The following GABRG3 variants were observed in gnomAD, a reference collection of about 807,000 sequenced individuals.
The protein encoded by GABRG3 is gamma-aminobutyric acid receptor subunit gamma-3.
In GABRG3, 25 loss-of-function variants were observed where a neutral mutation model predicts 48.8. The observed-to-expected ratio is 0.51, with a 90% confidence interval of 0.37 to 0.72. The LOEUF (loss-of-function observed/expected upper bound fraction) is 0.72, where lower values mean the gene tolerates loss of function less well. GABRG3 is among the 30% of genes least tolerant of loss of function. GABRG3 has a pLI of 0.00. For missense variants in GABRG3, 394 were observed against 577.9 expected, an observed-to-expected ratio of 0.68 and a Z score of 3.26; for synonymous variants, 227 against 217.6, an observed-to-expected ratio of 1.04 and a Z score of -0.38.
chr15:27,423,959 T>C (rs573931879), intron 5 of GABRG3, among the ~76,000 whole-genome samples: 2 of 152,254 alleles, frequency 1.3e-5, no homozygotes, highest in South Asian at 2.1e-4. Context: ...TTTTTCAGCA[T>C]AAAGTTGAAA....
chr15:27,237,453 G>A (rs1890008248), intron 3 of GABRG3, among the ~76,000 whole-genome samples: 1 of 152,192 alleles, frequency 6.6e-6, no homozygotes, highest in Admixed American at 6.5e-5. Context: ...CTGTGAAGAG[G>A]CTGAGCTGGA....
chr15:27,114,883 A>G (rs1230899268), intron 3 of GABRG3, among the ~76,000 whole-genome samples: 2 of 152,176 alleles, frequency 1.3e-5, no homozygotes, highest in Non-Finnish European at 2.9e-5. Context: ...ATCACATGGA[A>G]CTCGCAGATG....
At chr15:27,350,977 G>A (rs1566799835) in intron 5 of GABRG3, among the ~76,000 whole-genome samples, 1 of 151,502 alleles carries the variant, frequency 6.6e-6, no homozygotes, top group Non-Finnish European at 1.5e-5. Flanking sequence ...GTGTTTGTGT[G>A]TGTATGGTGT....
At chr15:27,131,443 T>A (rs530951307) in intron 3 of GABRG3, among the ~76,000 whole-genome samples, 1 of 152,178 alleles carries the variant, frequency 6.6e-6, no homozygotes, top group East Asian at 1.9e-4. Context: ...TTGATAGCAT[T>A]TCATTCAGGA....
Position 27,193,219 on chromosome 15 carries a change from G to A in GABRG3, c.271-133590G>A, listed in dbSNP as rs1451472215. On this transcript the variant is annotated intron_variant, in intron 3 of 9. Coordinates refer to ENST00000615808, the MANE Select transcript of GABRG3 (RefSeq NM_033223.5). ...TGCCCGTTCTCAGATCTCCAGCTGC[G>A]TGCTGGGAGAACCACTGCTCTCTTC... Among the ~76,000 whole-genome samples, 8 of 151,918 alleles carry A rather than the reference G, an allele frequency of 5.3e-5. No individual in the cohort carries two copies. The East Asian group carries it at 5.8e-4, about 11-fold the overall frequency.
chr15:27,365,768 T>C (rs995506355), intron 5 of GABRG3: 5 of 152,104 alleles, frequency 3.3e-5, no homozygotes, highest in African/African-American at 1.2e-4. Context: ...CATTAAAAAA[T>C]AAAGAACCAG....
intron 5 of GABRG3, among the ~76,000 whole-genome samples, chr15:27,449,807 T>G (rs1889055199): frequency 1.3e-5 from 2 of 152,208 alleles, no homozygotes; most frequent in South Asian, 4.1e-4. Flanking sequence ...TTGTGTAAAG[T>G]TCATCAATTC....
chr15:27,396,450 G>C (rs1045735541), intron 5 of GABRG3, among the ~76,000 whole-genome samples: 1 of 152,188 alleles, frequency 6.6e-6, no homozygotes, highest in Non-Finnish European at 1.5e-5. Context: ...CTAGATTGCA[G>C]TACCAATACG....
At chr15:27,423,261 A>C (rs1316516664) in intron 5 of GABRG3, among the ~76,000 whole-genome samples, 4 of 150,384 alleles carry the variant, frequency 2.7e-5, no homozygotes, top group East Asian at 3.9e-4. Context: ...AAAAAAAAAA[A>C]AAAACCTCTA....
At chr15:27,083,333 TA>T (rs765168463) in intron 3 of GABRG3, among the ~76,000 whole-genome samples, 16 of 143,924 alleles carry the variant, frequency 1.1e-4, no homozygotes, top group Non-Finnish European at 1.9e-4. Flanking sequence ...TCTTGAAAAG[TA>T]AGAGCTATTG....
At position 27,179,763 on chromosome 15, in the gene GABRG3, G is replaced by T. The variant is rs2140415890; in HGVS notation, c.271-147046G>T. Among the ~76,000 whole-genome samples the T allele has an allele frequency of 6.6e-6, 1 of 152,274 alleles. No individual in the cohort carries two copies. Among genetic ancestry groups the T allele is most frequent in the Non-Finnish European group, 1.5e-5 (1 of 68,032 alleles). On this transcript the variant is annotated intron_variant, in intron 3 of 9. Coordinates refer to ENST00000615808, the MANE Select transcript of GABRG3 (RefSeq NM_033223.5). The surrounding 1 kb of genome is among the most constrained non-coding windows in gnomAD (Gnocchi z 4.0). ...TGTGAATTTTGAATGCTGTGGGAAA[G>T]ATGGAAGCCAAAGATGCACCGGGTC...
At chr15:27,489,060 G>C (rs188915026) in intron 6 of GABRG3, among the ~76,000 whole-genome samples, 6 of 151,074 alleles carry the variant, frequency 4.0e-5, no homozygotes, top group African/African-American at 9.7e-5. Flanking sequence ...TCTGGTGTGT[G>C]ATGTTCCCCG....
chr15:27,130,334 C>T (rs1012636225), intron 3 of GABRG3, among the ~76,000 whole-genome samples: 12 of 152,030 alleles, frequency 7.9e-5, no homozygotes, highest in Admixed American at 5.9e-4. Context: ...GGTCTTGGAA[C>T]CTTTGTCAAA....
intron 3 of GABRG3, among the ~76,000 whole-genome samples, chr15:27,217,720 C>T (rs1390856503): frequency 2.6e-5 from 4 of 152,258 alleles, no homozygotes; most frequent in Non-Finnish European, 4.4e-5. Flanking sequence ...CACAGAGGGA[C>T]GAAGGAAAGC....
intron 2 of GABRG3, among the ~76,000 whole-genome samples, chr15:27,021,606 C>T (rs773495055): frequency 6.6e-6 from 1 of 152,132 alleles, no homozygotes; most frequent in Non-Finnish European, 1.5e-5. Flanking sequence ...TTTGGGAGGC[C>T]CAAGCGGGAA....
At chr15:26,995,550 T>TG (rs1895325122) in intron 2 of GABRG3, among the ~76,000 whole-genome samples, 3 of 151,918 alleles carry the variant, frequency 2.0e-5, no homozygotes, top group Admixed American at 6.6e-5. Context: ...TCTTTTTTTT[T>TG]TTGTTAAGTG....
intron 3 of GABRG3, among the ~76,000 whole-genome samples, chr15:27,204,301 G>C (rs1416057322): frequency 6.6e-6 from 1 of 152,148 alleles, no homozygotes; most frequent in Non-Finnish European, 1.5e-5. Flanking sequence ...TTATTGAATA[G>C]AGAGTGCTTT....
intron 3 of GABRG3, among the ~76,000 whole-genome samples, chr15:27,246,822 G>A (rs1890284831): frequency 6.6e-6 from 1 of 152,156 alleles, no homozygotes; most frequent in African/African-American, 2.4e-5. Flanking sequence ...AATATTGAAA[G>A]GCAGCACCAT....
intron 3 of GABRG3, among the ~76,000 whole-genome samples, chr15:27,219,796 T>A (rs1399059476): frequency 1.3e-5 from 2 of 152,200 alleles, no homozygotes; most frequent in Admixed American, 6.5e-5. Context: ...ATAAAACATC[T>A]GCCTACAATT....
Sources: allele counts gnomAD v4.1 joint callset (sites outside exome capture counted in the v4.1 genomes callset), GRCh38; gene constraint gnomAD v4.1.1; non-coding constraint Gnocchi (gnomAD v3.1); transcripts MANE v1.5; gene names NCBI Gene and HGNC (gene_info 2026-07-23, HGNC 2026-07-21).